Variants in RAP1GAP2 observed in about 807,000 individuals in gnomAD.
RAP1GAP2 encodes the protein RAP1 GTPase activating protein 2, also known as rap1 GTPase-activating protein 2.
Under a neutral mutation model 95.0 loss-of-function variants are expected in RAP1GAP2, and 27 were observed. The ratio of observed to expected loss-of-function variants is 0.28; its 90% confidence interval spans 0.21 to 0.39. The LOEUF (loss-of-function observed/expected upper bound fraction) is 0.39. Ranked by LOEUF, RAP1GAP2 falls within the 10% of genes least tolerant of loss-of-function variation. The pLI is 1.00. For missense variants in RAP1GAP2, 771 were observed against 970.0 expected, an observed-to-expected ratio of 0.79 and a Z score of 2.72; for synonymous variants, 373 against 380.9, an observed-to-expected ratio of 0.98 and a Z score of 0.24.
chr17:2,810,112 G>A (rs1216882547), intron 2 of RAP1GAP2, among the ~76,000 whole-genome samples: 1 of 151,350 alleles, frequency 6.6e-6, no homozygotes, highest in Non-Finnish European at 1.5e-5. Flanking sequence ...TGTGTGTGGA[G>A]CAGGAGTTGC....
intron 3 of RAP1GAP2, among the ~76,000 whole-genome samples, chr17:2,947,115 C>T (rs557253399): frequency 9.2e-5 from 14 of 152,324 alleles, no homozygotes; most frequent in African/African-American, 3.1e-4. Context: ...CCACACTTAA[C>T]AGAGAGCCAT....
intron 1 of RAP1GAP2, among the ~76,000 whole-genome samples, chr17:2,798,760 A>G (rs2069166186): frequency 6.6e-6 from 1 of 152,204 alleles, no homozygotes; most frequent in South Asian, 2.1e-4. Flanking sequence ...CTCCAAAACC[A>G]GAGCCCTGCC....
chr17:2,832,657 C>T (rs7211034), intron 2 of RAP1GAP2, among the ~76,000 whole-genome samples: 103,168 of 151,434 alleles, frequency 0.68, 35,578 homozygotes, highest in Non-Finnish European at 0.75. Context: ...TTGGTACATA[C>T]TTTTCTAGAT....
Position 2,963,784 on chromosome 17 carries a change from G to A in RAP1GAP2, c.280-72G>A, listed in dbSNP as rs769295492. ...GCCCCACTCCTGGGAGCAGCGCAGA[G>A]GGGACACCGCCACCGGCCCCCTCCC... On this transcript the variant is annotated intron_variant, in intron 6 of 24. Coordinates refer to ENST00000254695, the MANE Select transcript of RAP1GAP2 (RefSeq NM_015085.5). The surrounding 1 kb of genome is among the most constrained non-coding windows in gnomAD (Gnocchi z 4.8). 10 of 1,342,652 alleles carry A rather than the reference G, an allele frequency of 7.4e-6. No homozygotes were observed. Among genetic ancestry groups the A allele is most frequent in the Non-Finnish European group, 1.0e-5 (10 of 981,826 alleles). 83.2% of individuals were successfully genotyped at this position (1,342,652 alleles called of 1,614,324 possible).
intron 2 of RAP1GAP2, 27 bp from the exon 3 acceptor site, chr17:2,905,257 C>CA (rs761545194): frequency 1.0e-5 from 16 of 1,604,670 alleles, no homozygotes; most frequent in Non-Finnish European, 1.3e-5. Flanking sequence ...GGCAGGTCCT[C>CA]ACTCACCTCT....
intron 3 of RAP1GAP2, among the ~76,000 whole-genome samples, chr17:2,940,916 GT>G (rs760885451): frequency 3.2e-4 from 49 of 152,288 alleles, no homozygotes; most frequent in East Asian, 1.9e-4. Context: ...CAGGACACTT[GT>G]TTGTGGGGTT....
chr17:2,869,615 C>T (rs1480742890), intron 2 of RAP1GAP2, among the ~76,000 whole-genome samples: 1 of 152,142 alleles, frequency 6.6e-6, no homozygotes, highest in African/African-American at 2.4e-5. Context: ...AGCAGCCCTC[C>T]CTTCCCCAAC....
intron 2 of RAP1GAP2, among the ~76,000 whole-genome samples, chr17:2,894,123 G>GAA (rs34619704): frequency 0.013 from 1,849 of 144,524 alleles, 9 homozygotes; most frequent in Middle Eastern, 0.032. Flanking sequence ...TAAAAATACA[G>GAA]AAAAAAAAAA....
Position 2,905,421 on chromosome 17 carries a change from G to A in RAP1GAP2, c.165+53G>A, listed in dbSNP as rs2042168615. 3.2e-6 allele frequency: 5 copies of A among 1,571,544 alleles called. No homozygotes were observed. In the South Asian group the frequency reaches 5.7e-5, roughly 18 times the overall value. On this transcript the variant is annotated intron_variant, in intron 3 of 24. Transcript: ENST00000254695. ...GGAGGGGAGAGTGTGGGGAAGTTGT[G>A]AGGCCTTGCTGTGGCTTTGGCTCCA...
intron 3 of RAP1GAP2, among the ~76,000 whole-genome samples, chr17:2,935,170 G>A (rs1466630847): frequency 6.6e-6 from 1 of 152,174 alleles, no homozygotes; most frequent in African/African-American, 2.4e-5. Flanking sequence ...GAGTGGATGT[G>A]ATGATAGTGC....
intron 3 of RAP1GAP2, among the ~76,000 whole-genome samples, chr17:2,913,341 T>C (rs28702924): frequency 0.15 from 22,518 of 151,916 alleles, 3,108 homozygotes; most frequent in East Asian, 0.37. Flanking sequence ...CAGGTTGGAG[T>C]GCAGTGGCGT....
chr17:3,001,954 C>A (rs1171474533), intron 14 of RAP1GAP2, among the ~76,000 whole-genome samples: 1 of 150,872 alleles, frequency 6.6e-6, no homozygotes. Context: ...AAGTCTTTAC[C>A]CACTCTTCTT....
chr17:2,928,552 G>T (rs1195456561), intron 3 of RAP1GAP2, among the ~76,000 whole-genome samples: 1 of 152,156 alleles, frequency 6.6e-6, no homozygotes, highest in Non-Finnish European at 1.5e-5. Context: ...CAGGTGACCT[G>T]CCTGGCATGG....
intron 3 of RAP1GAP2, among the ~76,000 whole-genome samples, chr17:2,945,817 T>A (rs887668527): frequency 1.3e-5 from 2 of 151,834 alleles, no homozygotes; most frequent in African/African-American, 4.8e-5. Context: ...TTGAGACGAG[T>A]TTTGCTCTTT....
intron 3 of RAP1GAP2, among the ~76,000 whole-genome samples, chr17:2,912,278 C>A (rs1356175222): frequency 6.6e-6 from 1 of 152,078 alleles, no homozygotes; most frequent in Non-Finnish European, 1.5e-5. Context: ...CACCGGCCAC[C>A]CTCTCTCCCT....
chr17:2,849,419 C>T (rs1042657239), intron 2 of RAP1GAP2, among the ~76,000 whole-genome samples: 6 of 152,186 alleles, frequency 3.9e-5, no homozygotes, highest in African/African-American at 1.4e-4. Flanking sequence ...GGGATTGGGG[C>T]TGATTCCCGC....
rs540286055 is a variant in RAP1GAP2 at position 3,012,014 on chromosome 17, G to A, written c.1494+3869G>A. Among the ~76,000 whole-genome samples the A allele has an allele frequency of 3.3e-5, 5 of 152,250 alleles. No individual in the cohort carries two copies. The South Asian group carries it at 1.0e-3, about 32-fold the overall frequency. On this transcript the variant is annotated intron_variant, in intron 17 of 24. Transcript: ENST00000254695. ...AGCCATCCATCCTTGCCCCTGGTGA[G>A]GCTGCTGCTCCCCCACGTCAGCACT...
At chr17:2,880,680 T>C (rs542757157) in intron 2 of RAP1GAP2, among the ~76,000 whole-genome samples, 51 of 151,986 alleles carry the variant, frequency 3.4e-4, no homozygotes, top group Non-Finnish European at 6.6e-4. Flanking sequence ...ACTTTCTGTC[T>C]CTATGGATTT....
intron 19 of RAP1GAP2, among the ~76,000 whole-genome samples, chr17:3,021,730 C>T (rs375444981): frequency 6.6e-5 from 10 of 152,332 alleles, no homozygotes; most frequent in South Asian, 2.1e-4. Flanking sequence ...CCACCGCACC[C>T]GGCCACGGTA....
Sources: gnomAD v4.1 joint callset for allele counts (sites outside exome capture counted in the v4.1 genomes callset) on GRCh38, gnomAD v4.1.1 for gene constraint, Gnocchi (gnomAD v3.1) non-coding constraint, MANE v1.5 for transcripts, NCBI Gene and HGNC (gene_info 2026-07-23, HGNC 2026-07-21) for gene names.